The following EPM2A variants were observed in gnomAD, a reference collection of about 807,000 sequenced individuals.
EPM2A encodes the protein EPM2A glucan phosphatase, laforin, also known as laforin.
In EPM2A, 21 loss-of-function variants were observed where a neutral mutation model predicts 26.5. The ratio of observed to expected loss-of-function variants is 0.79; its 90% CI spans 0.56 to 1.14. EPM2A has a LOEUF of 1.14. Ranked by LOEUF, EPM2A falls within the 50% of genes most tolerant of loss-of-function variation. The probability of loss-of-function intolerance (pLI) is 0.00; values close to 1 mark genes in which losing one functional copy is unlikely to be tolerated. For missense variants in EPM2A, 458 were observed against 440.8 expected (o/e 1.04, Z -0.35); for synonymous variants, 217 against 177.6 (o/e 1.22, Z -1.76).
chr6:145,609,265 G>A (rs1582893882), intron 2 of EPM2A, among the ~76,000 whole-genome samples: 1 of 152,130 alleles, frequency 6.6e-6, no homozygotes, highest in Non-Finnish European at 1.5e-5. Flanking sequence ...ATGGCCAATA[G>A]AATTAAGTCA....
intron 1 of EPM2A, among the ~76,000 whole-genome samples, chr6:145,713,405 AAAG>A (rs372339841): frequency 2.6e-4 from 39 of 152,358 alleles, no homozygotes; most frequent in African/African-American, 7.9e-4. Flanking sequence ...ACATTTCTCC[AAAG>A]AAGATACATA....
At chr6:145,542,393 A>G (rs1478527580) in intron 2 of EPM2A, among the ~76,000 whole-genome samples, 1 of 152,202 alleles carries the variant, frequency 6.6e-6, no homozygotes, top group East Asian at 1.9e-4. Context: ...TGCATCCTGG[A>G]TTGGGGGCTA....
At chr6:145,625,300 A>G (rs535470886), downstream of EPM2A, 10 of 170,380 alleles carry the variant, frequency 5.9e-5, no homozygotes, top group East Asian at 1.6e-3. Flanking sequence ...TCCTGTACAG[A>G]AAGGTCTTTT....
At chr6:145,680,540 A>C (rs1350465716) in intron 2 of EPM2A, among the ~76,000 whole-genome samples, 25 of 139,920 alleles carry the variant, frequency 1.8e-4, no homozygotes, top group East Asian at 6.3e-4. Context: ...ATCCCTCCCC[A>C]CTCCCCCCAC....
chr6:145,576,120 G>C (rs1781027744), intron 2 of EPM2A, among the ~76,000 whole-genome samples: 1 of 152,144 alleles, frequency 6.6e-6, no homozygotes, highest in African/African-American at 2.4e-5. Flanking sequence ...ACAGGTGTGA[G>C]CCACTGCGAC....
chr6:145,617,448 T>A (rs1775540844), intron 2 of EPM2A, among the ~76,000 whole-genome samples: 1 of 152,166 alleles, frequency 6.6e-6, no homozygotes, highest in Non-Finnish European at 1.5e-5. Flanking sequence ...TTTTATAGGA[T>A]GTTACTCTGC....
intron 2 of EPM2A, among the ~76,000 whole-genome samples, chr6:145,681,779 A>G (rs1780556574): frequency 6.6e-6 from 1 of 152,156 alleles, no homozygotes; most frequent in Admixed American, 6.5e-5. Context: ...CTCTCTATGG[A>G]GACAGGTGCT....
intron 4 of EPM2A, among the ~76,000 whole-genome samples, chr6:145,435,171 A>C (rs1778973617): frequency 6.6e-6 from 1 of 152,210 alleles, no homozygotes; most frequent in Admixed American, 6.5e-5. Flanking sequence ...GTAACTAAAA[A>C]TTTAGACATA....
At chr6:145,394,911 A>G (rs1053565838) in intron 4 of EPM2A, among the ~76,000 whole-genome samples, 1 of 152,038 alleles carries the variant, frequency 6.6e-6, no homozygotes, top group Non-Finnish European at 1.5e-5. Context: ...TTCCCCAACA[A>G]TCCTACCCTA....
intron 4 of EPM2A, among the ~76,000 whole-genome samples, chr6:145,408,977 G>A (rs544922980): frequency 6.6e-6 from 1 of 152,092 alleles, no homozygotes; most frequent in African/African-American, 2.4e-5. Flanking sequence ...AATAATCTTG[G>A]GGAACACAAG....
chr6:145,425,473 C>T (rs1778843360), intron 4 of EPM2A, among the ~76,000 whole-genome samples: 3 of 151,992 alleles, frequency 2.0e-5, no homozygotes. Context: ...CCATGCCTGG[C>T]TATAAGTCAT....
At chr6:145,585,586 T>C (rs1341820060) in intron 2 of EPM2A, among the ~76,000 whole-genome samples, 2 of 152,194 alleles carry the variant, frequency 1.3e-5, no homozygotes, top group African/African-American at 2.4e-5. Flanking sequence ...CTCTCAACTT[T>C]TCTAATATCC....
intron 2 of EPM2A, among the ~76,000 whole-genome samples, chr6:145,683,300 TGTGTGTG>T (rs1780677411): frequency 6.7e-6 from 1 of 149,262 alleles, no homozygotes; most frequent in Non-Finnish European, 1.5e-5. Context: ...TGTGTGTGTG[TGTGTGTG>T]AGTGTGTATA....
intron 2 of EPM2A, among the ~76,000 whole-genome samples, chr6:145,605,597 A>C (rs1450670395): frequency 6.6e-6 from 1 of 152,156 alleles, no homozygotes; most frequent in Non-Finnish European, 1.5e-5. Context: ...TCAGAGGTAG[A>C]CCAACCTCAC....
chr6:145,443,840 TG>T (rs1779098140), intron 4 of EPM2A, among the ~76,000 whole-genome samples: 1 of 152,188 alleles, frequency 6.6e-6, no homozygotes. Flanking sequence ...TGAGATCTGA[TG>T]GTTTTAAAAA....
intron 2 of EPM2A, among the ~76,000 whole-genome samples, chr6:145,535,250 C>G (rs1226386879): frequency 6.6e-6 from 1 of 152,150 alleles, no homozygotes; most frequent in Non-Finnish European, 1.5e-5. Context: ...TTAAAATGGA[C>G]AAACTAAAAG....
At chr6:145,392,287 G>A (rs1304881780) in intron 4 of EPM2A, among the ~76,000 whole-genome samples, 2 of 152,104 alleles carry the variant, frequency 1.3e-5, no homozygotes, top group Non-Finnish European at 2.9e-5. Flanking sequence ...TGGAGTCTCC[G>A]ATGGCCTCCT....
intron 4 of EPM2A, among the ~76,000 whole-genome samples, chr6:145,391,930 T>TG (rs1208588530): frequency 6.8e-6 from 1 of 146,164 alleles, no homozygotes; most frequent in Admixed American, 6.8e-5. Flanking sequence ...GGGCAGGTGG[T>TG]GGGGGGCATT....
At chr6:145,509,510 A>C (rs1162817927) in intron 2 of EPM2A, among the ~76,000 whole-genome samples, 2 of 152,174 alleles carry the variant, frequency 1.3e-5, no homozygotes, top group Non-Finnish European at 2.9e-5. Context: ...ACAAAGTACA[A>C]ATAAAGTCTT....
Sources: gnomAD v4.1 joint callset for allele counts (sites outside exome capture counted in the v4.1 genomes callset) on GRCh38, gnomAD v4.1.1 for gene constraint, MANE v1.5 for transcripts, NCBI Gene and HGNC (gene_info 2026-07-23, HGNC 2026-07-21) for gene names.